The following CD38 variants were observed in gnomAD, a reference collection of about 807,000 sequenced individuals.
The protein encoded by CD38 is ADP-ribosyl cyclase/cyclic ADP-ribose hydrolase 1.
In CD38, 31 loss-of-function variants were observed where a neutral mutation model predicts 36.3. That is an observed-to-expected ratio of 0.85 (90% CI 0.64 to 1.15). CD38 has a LOEUF of 1.15. Among genes scored for constraint, CD38 ranks in the 50% most tolerant of loss-of-function variants. The probability of loss-of-function intolerance (pLI) is 0.00; values close to 1 mark genes in which losing one functional copy is unlikely to be tolerated. For synonymous variants in CD38, 131 were observed against 135.2 expected (o/e 0.97, Z 0.22); for missense variants, 380 against 371.9 (o/e 1.02, Z -0.18).
At chr4:15,827,346 C>T (rs1723870777) in intron 3 of CD38, among the ~76,000 whole-genome samples, 1 of 151,840 alleles carries the variant, frequency 6.6e-6, no homozygotes, top group South Asian at 2.1e-4. Context: ...ATGCAGAAAA[C>T]CTGTCTGTTC....
Position 15,852,201 on chromosome 4 carries a change from C to T in CD38, c.*3599C>T, listed in dbSNP as rs551622511. On this transcript the variant is annotated 3_prime_UTR_variant, in exon 8 of 8. Transcript: ENST00000226279. ...GTCAACGTGTTTAGTGCCATGTCCA[C>T]GTCTCTCATGTAACTGGCAGAGCTA... 1.3e-5 allele frequency: 2 copies of T among 152,346 alleles called. No homozygotes were observed. Among genetic ancestry groups the T allele is most frequent in the South Asian group, 2.1e-4 (1 of 4,832 alleles). 9.4% of individuals were successfully genotyped at this position (152,346 alleles called of 1,614,324 possible).
intron 2 of CD38, among the ~76,000 whole-genome samples, chr4:15,821,099 T>C (rs1723724424): frequency 6.6e-6 from 1 of 152,068 alleles, no homozygotes; most frequent in South Asian, 2.1e-4. Flanking sequence ...CCTGGGTAAA[T>C]AATAAAATTA....
At chr4:15,847,422 G>C (rs1425597504) in intron 7 of CD38, among the ~76,000 whole-genome samples, 15 of 42,680 alleles carry the variant, frequency 3.5e-4, no homozygotes, top group African/African-American at 1.6e-3. Flanking sequence ...GGTCGGGGGA[G>C]GGGGGAGGGA....
intron 1 of CD38, among the ~76,000 whole-genome samples, chr4:15,787,261 A>G (rs1430840370): frequency 2.0e-5 from 3 of 152,246 alleles, no homozygotes; most frequent in Non-Finnish European, 4.4e-5. Context: ...GTCTCCTCTC[A>G]TTAGGGTTGG....
At chr4:15,828,260 C>T (rs1007454591) in intron 3 of CD38, among the ~76,000 whole-genome samples, 4 of 152,148 alleles carry the variant, frequency 2.6e-5, no homozygotes, top group African/African-American at 4.8e-5. Flanking sequence ...AAGCGATCTA[C>T]CCTCTTCAGC....
At chr4:15,812,752 T>A (rs1723499700) in intron 1 of CD38, among the ~76,000 whole-genome samples, 1 of 152,196 alleles carries the variant, frequency 6.6e-6, no homozygotes, top group African/African-American at 2.4e-5. Flanking sequence ...GAATGTAGAA[T>A]GTTTTTCCAT....
In CD38 at chr4:15,851,775, T is replaced by A. The variant is rs997502776; in HGVS notation, c.*3173T>A. ...ATGTTCTGAGAAATGCATCATTAGATGATTTTGTCATTGTGTGAACATCAT... is the reference window on the plus strand; with the variant it reads ...ATGTTCTGAGAAATGCATCATTAGAAGATTTTGTCATTGTGTGAACATCAT... On this transcript the variant is annotated 3_prime_UTR_variant, in exon 8 of 8. Coordinates refer to ENST00000226279, the MANE Select transcript of CD38 (RefSeq NM_001775.4). 7 of 152,190 alleles carry A rather than the reference T, an allele frequency of 4.6e-5. No homozygotes were observed. The highest frequency in any genetic ancestry group is 1.7e-4 in the African/African-American group (7 of 41,442). The allele number at this position is 152,190 out of a possible 1,614,324, so 9.4% of individuals were successfully genotyped here. A position where few individuals can be genotyped will look rare whatever the true frequency, so the allele number is the denominator to read the frequency against.
chr4:15,785,147 A>G (rs1031859271), intron 1 of CD38, among the ~76,000 whole-genome samples: 12 of 151,976 alleles, frequency 7.9e-5, no homozygotes, highest in Non-Finnish European at 1.5e-5. Flanking sequence ...GGGTGCTGCT[A>G]TAGTTACAAA....
intron 1 of CD38, among the ~76,000 whole-genome samples, chr4:15,792,421 T>TAAAA (rs1388421440): frequency 2.4e-5 from 1 of 41,778 alleles, no homozygotes; most frequent in Non-Finnish European, 4.8e-5. Context: ...GAATGATCAA[T>TAAAA]AAAAATAAAA....
chr4:15,790,329 C>G (rs1490643776), intron 1 of CD38, among the ~76,000 whole-genome samples: 1 of 152,104 alleles, frequency 6.6e-6, no homozygotes, highest in East Asian at 1.9e-4. Flanking sequence ...CACGCCGCCA[C>G]GCCTGACTGG....
intron 2 of CD38, 135 bp downstream of exon 2, chr4:15,816,775 T>C: frequency 1.0e-6 from 1 of 963,630 alleles, no homozygotes; most frequent in Non-Finnish European, 1.7e-6. Context: ...TTGGTAGGAA[T>C]GGAATTTGCA....
chr4:15,838,077 A>G lies in CD38; in HGVS notation c.586-15A>G. The G allele has an allele frequency of 1.6e-6, 2 of 1,264,296 alleles. No homozygotes were observed. The highest frequency in any genetic ancestry group is 2.2e-6 in the Non-Finnish European group (2 of 914,190). 78.3% of individuals were successfully genotyped at this position (1,264,296 alleles called of 1,614,324 possible). A position where few individuals can be genotyped will look rare whatever the true frequency, so the allele number is the denominator to read the frequency against. On this transcript the variant is annotated splice_polypyrimidine_tract_variant and intron_variant, in intron 4 of 7. Coordinates refer to ENST00000226279, the MANE Select transcript of CD38 (RefSeq NM_001775.4). ...TAAGTTTGCATGATGAATGGTGGGC[A>G]TTTTTTTTTTTAAGTTTGCAGAAGC...
intron 1 of CD38, among the ~76,000 whole-genome samples, chr4:15,790,973 C>T (rs1182305061): frequency 3.4e-5 from 5 of 145,596 alleles, no homozygotes; most frequent in Non-Finnish European, 7.6e-5. Context: ...GGAGCCCCTC[C>T]GTCCGGCGGC....
intron 1 of CD38, among the ~76,000 whole-genome samples, chr4:15,788,440 G>A (rs1240651447): frequency 6.6e-6 from 1 of 152,034 alleles, no homozygotes; most frequent in Non-Finnish European, 1.5e-5. Context: ...TTCAGTCCTG[G>A]GAGCTTACTT....
chr4:15,816,962 C>A (rs11574922), intron 2 of CD38, among the ~76,000 whole-genome samples: 4,027 of 152,308 alleles, frequency 0.026, 118 homozygotes, highest in African/African-American at 0.07. Context: ...AATAACAAAA[C>A]TTTCCCCTGA....
At chr4:15,805,221 A>C (rs1371344765) in intron 1 of CD38, among the ~76,000 whole-genome samples, 1 of 152,240 alleles carries the variant, frequency 6.6e-6, no homozygotes, top group East Asian at 1.9e-4. Flanking sequence ...AAACTTTTAA[A>C]AAACAAAGTT....
chr4:15,778,687 G>T lies in CD38; in HGVS notation c.233+40G>T. ...AAGGCGCACCGGTGGGCACTGCGGG[G>T]ACAGCAGGGCCCCGCGCGCAGGGAA... On this transcript the variant is annotated intron_variant, in intron 1 of 7. Coordinates refer to ENST00000226279, the MANE Select transcript of CD38 (RefSeq NM_001775.4). This position sits in a 1 kb window ranked among gnomAD's most constrained non-coding sequence, Gnocchi z 4.9. 1.4e-6 allele frequency: 2 copies of T among 1,402,138 alleles called. No homozygotes were observed. Among genetic ancestry groups the T allele is most frequent in the Non-Finnish European group, 2.0e-6 (2 of 993,442 alleles). 86.9% of individuals were successfully genotyped at this position (1,402,138 alleles called of 1,614,324 possible). A position where few individuals can be genotyped will look rare whatever the true frequency, so the allele number is the denominator to read the frequency against.
chr4:15,814,771 G>A (rs1723547821), intron 1 of CD38, among the ~76,000 whole-genome samples: 1 of 150,606 alleles, frequency 6.6e-6, no homozygotes, highest in Admixed American at 6.6e-5. Flanking sequence ...TATTATTTCT[G>A]AGGTCTCTGT....
chr4:15,802,128 C>T lies in CD38; in HGVS notation c.234-14383C>T, dbSNP rs543760001. On this transcript the variant is annotated intron_variant, in intron 1 of 7. Coordinates refer to ENST00000226279, the MANE Select transcript of CD38 (RefSeq NM_001775.4). ...AGATACAAAATCAACATACAAAAAT[C>T]AGTAGCATTTCTATACACCAATAAT... Among the ~76,000 whole-genome samples, 5 of 152,208 alleles carry T rather than the reference C, an allele frequency of 3.3e-5. No individual in the cohort carries two copies. In the East Asian group the frequency reaches 7.7e-4, roughly 24 times the overall value.
Sources: allele counts gnomAD v4.1 joint callset (sites outside exome capture counted in the v4.1 genomes callset), GRCh38; gene constraint gnomAD v4.1.1; non-coding constraint Gnocchi (gnomAD v3.1); transcripts MANE v1.5; gene names NCBI Gene and HGNC (gene_info 2026-07-23, HGNC 2026-07-21).